The following TANC1 variants were observed in gnomAD, a reference collection of about 807,000 sequenced individuals.
TANC1 encodes protein TANC1.
Under a neutral mutation model 149.7 loss-of-function variants are expected in TANC1, and 77 were observed. That is an observed-to-expected ratio of 0.51 (90% CI 0.43 to 0.62). TANC1 has a LOEUF of 0.62. Ranked by LOEUF, TANC1 falls within the 20% of genes least tolerant of loss-of-function variation. TANC1 has a pLI of 0.00. For synonymous variants in TANC1, 854 were observed against 925.0 expected, an observed-to-expected ratio of 0.92 and a Z score of 1.39; for missense variants, 1,985 against 2,321.8, an observed-to-expected ratio of 0.85 and a Z score of 2.98.
chr2:159,149,398 A>G (rs749955781), intron 6 of TANC1, 126 bp downstream of exon 6: 17 of 1,367,794 alleles, frequency 1.2e-5, no homozygotes, highest in Non-Finnish European at 1.8e-5. Flanking sequence ...GCTGTTGTGT[A>G]TTGAAATTTA....
chr2:158,969,414 G>T (rs2032491630), intron 1 of TANC1, among the ~76,000 whole-genome samples: 1 of 152,242 alleles, frequency 6.6e-6, no homozygotes, highest in African/African-American at 2.4e-5. Flanking sequence ...TTTATTGGGG[G>T]TGGGGGTGAG....
chr2:158,992,326 C>T (rs995182831), intron 1 of TANC1, among the ~76,000 whole-genome samples: 4 of 151,162 alleles, frequency 2.6e-5, no homozygotes, highest in African/African-American at 9.7e-5. Flanking sequence ...GATCACACCA[C>T]TGCACTCCAT....
intron 1 of TANC1, among the ~76,000 whole-genome samples, chr2:158,974,756 A>G (rs2033415714): frequency 6.6e-6 from 1 of 151,016 alleles, no homozygotes; most frequent in South Asian, 2.1e-4. Flanking sequence ...ATTTTGAGAA[A>G]GGGTTTCCAT....
intron 23 of TANC1, 181 bp downstream of exon 23, chr2:159,224,545 T>G: frequency 1.0e-5 from 7 of 698,844 alleles, no homozygotes; most frequent in Non-Finnish European, 1.6e-5. Flanking sequence ...TCACGGTGTT[T>G]CTGCGGGGAG....
intron 2 of TANC1, among the ~76,000 whole-genome samples, chr2:159,011,527 ATTTTTTT>A (rs10586189): frequency 2.1e-4 from 22 of 106,726 alleles, no homozygotes; most frequent in African/African-American, 2.8e-4. Flanking sequence ...TACACCTTAA[ATTTTTTT>A]TTTTTTTTTT....
Position 159,200,090 on chromosome 2 carries a change from G to T in TANC1, c.3244+1037G>T, listed in dbSNP as rs144549559. ...ATTGAAATATTGCCTAATTCTTTAT[G>T]GAGTCCTTCCCCTTCCCTTTTAAAC... On this transcript the variant is annotated intron_variant, in intron 19 of 26. Coordinates refer to ENST00000263635, the MANE Select transcript of TANC1 (RefSeq NM_033394.3). Among the ~76,000 whole-genome samples the T allele has an allele frequency of 1.8e-3, 276 of 152,320 alleles. 1 individual carries two copies. The highest frequency in any genetic ancestry group is 6.3e-3 in the African/African-American group (262 of 41,568).
At chr2:158,979,385 G>T (rs531575659) in intron 1 of TANC1, among the ~76,000 whole-genome samples, 1 of 151,788 alleles carries the variant, frequency 6.6e-6, no homozygotes, top group Non-Finnish European at 1.5e-5. Flanking sequence ...TCTCAGCTAC[G>T]TGGGAGACTG....
chr2:158,994,776 C>G (rs897317615), intron 1 of TANC1, among the ~76,000 whole-genome samples: 6 of 152,184 alleles, frequency 3.9e-5, no homozygotes, highest in Non-Finnish European at 7.3e-5. Flanking sequence ...GTTAACTTTA[C>G]TGCATTCAGA....
rs1261226259 is a variant in TANC1, at chr2:159,110,772, C to T, written c.259+12938C>T. Among the ~76,000 whole-genome samples the T allele has an allele frequency of 3.9e-5, 6 of 152,158 alleles. No individual in the cohort carries two copies. In the East Asian group the frequency reaches 5.8e-4, roughly 15 times the overall value. On this transcript the variant is annotated intron_variant, in intron 4 of 26. Coordinates refer to ENST00000263635, the MANE Select transcript of TANC1 (RefSeq NM_033394.3). ...TTCAGCTTCCCTCGTGTGACTTGGT[C>T]GCCATGAATGGATTCCCATAGTATC...
intron 3 of TANC1, among the ~76,000 whole-genome samples, chr2:159,077,949 T>G (rs1355516021): frequency 2.0e-5 from 3 of 152,250 alleles, no homozygotes; most frequent in Admixed American, 2.0e-4. Context: ...TTTCATATCC[T>G]TAGGTTATGA....
intron 19 of TANC1, among the ~76,000 whole-genome samples, chr2:159,199,292 T>TA (rs1389472438): frequency 3.3e-5 from 5 of 152,252 alleles, no homozygotes; most frequent in Admixed American, 3.3e-4. Context: ...GACTAGCAGT[T>TA]ACGGTACATC....
intron 5 of TANC1, among the ~76,000 whole-genome samples, chr2:159,141,441 T>C (rs892334985): frequency 2.6e-5 from 4 of 151,980 alleles, no homozygotes; most frequent in African/African-American, 7.3e-5. Context: ...GAAGAAGAGG[T>C]GGTGAATGGA....
At chr2:159,177,613 C>T (rs2056014201) in intron 13 of TANC1, among the ~76,000 whole-genome samples, 1 of 152,172 alleles carries the variant, frequency 6.6e-6, no homozygotes, top group Admixed American at 6.5e-5. Context: ...CGTTCTTCTT[C>T]CCAGCTGTGT....
In TANC1 at chr2:159,184,816, G is replaced by A. The variant is rs149589118; in HGVS notation, c.2511-975G>A. On this transcript the variant is annotated intron_variant, in intron 14 of 26. Coordinates refer to ENST00000263635, the MANE Select transcript of TANC1 (RefSeq NM_033394.3). ...TACAAGACAATGGACGAGACTCAGT[G>A]GGCAGTGTGGCCTTAAACGTCATGC... is the stretch of plus-strand genomic sequence containing the variant. Among the ~76,000 whole-genome samples the A allele has an allele frequency of 1.4e-3, 215 of 152,296 alleles. 4 individuals are homozygous for A. In the East Asian group the frequency reaches 0.032, roughly 23 times the overall value.
intron 19 of TANC1, among the ~76,000 whole-genome samples, chr2:159,212,654 G>C (rs997987985): frequency 2.0e-5 from 3 of 152,174 alleles, no homozygotes; most frequent in Non-Finnish European, 4.4e-5. Context: ...GGGCATGGTG[G>C]TTCACGCCTG....
At position 159,172,166 on chromosome 2, in the gene TANC1, C is replaced by T. The variant is rs768098886; in HGVS notation, c.1397C>T (p.Pro466Leu). The change falls in exon 11 of 27, where the codon CCG becomes CTG. Residue 466 changes from proline to leucine, a missense_variant. By Grantham distance (98) the Pro-to-Leu change is moderately conservative. Coordinates refer to ENST00000263635, the MANE Select transcript of TANC1 (RefSeq NM_033394.3). ...QDLHFTPLLS[P>L]SSSTSASSTA... ...CTTCATTTCACTCCGTTGCTTTCACCGAGTTCTTCCACAAGTGCTTCCAGC... is the reference window on the plus strand; with the variant it reads ...CTTCATTTCACTCCGTTGCTTTCACTGAGTTCTTCCACAAGTGCTTCCAGC... 4.3e-6 allele frequency: 7 copies of T among 1,614,046 alleles called. No homozygotes were observed. Among genetic ancestry groups the T allele is most frequent in the South Asian group, 1.1e-5 (1 of 91,076 alleles).
chr2:159,154,322 A>G (rs955734090), intron 7 of TANC1, among the ~76,000 whole-genome samples: 1 of 152,148 alleles, frequency 6.6e-6, no homozygotes, highest in Non-Finnish European at 1.5e-5. Context: ...GTTATATTTA[A>G]TCTAAATATT....
intron 2 of TANC1, among the ~76,000 whole-genome samples, chr2:159,025,892 G>A (rs915942964): frequency 6.6e-6 from 1 of 152,042 alleles, no homozygotes; most frequent in African/African-American, 2.4e-5. Flanking sequence ...AATGGCTTAG[G>A]GAACTCCGAC....
chr2:159,037,532 A>G (rs1002763877), intron 2 of TANC1, among the ~76,000 whole-genome samples: 3 of 152,160 alleles, frequency 2.0e-5, no homozygotes, highest in Non-Finnish European at 4.4e-5. Context: ...TAATTTTTGT[A>G]TAGGTATAAG....
Sources: gnomAD v4.1 joint callset for allele counts (sites outside exome capture counted in the v4.1 genomes callset) on GRCh38, gnomAD v4.1.1 for gene constraint, MANE v1.5 for transcripts, NCBI Gene and HGNC (gene_info 2026-07-23, HGNC 2026-07-21) for gene names.